Variants in CD44 observed in about 807,000 individuals in gnomAD.
CD44 encodes CD44 antigen.
In CD44, 49 loss-of-function variants were observed where a neutral mutation model predicts 88.8. That is an observed-to-expected ratio of 0.55 (90% CI 0.44 to 0.70). The LOEUF (loss-of-function observed/expected upper bound fraction) is 0.70, where lower values mean the gene tolerates loss of function less well. Ranked by LOEUF, CD44 falls within the 30% of genes least tolerant of loss-of-function variation. CD44 has a pLI of 0.00. For synonymous variants in CD44, 325 were observed against 312.3 expected, an observed-to-expected ratio of 1.04 and a Z score of -0.43; for missense variants, 883 against 913.8, an observed-to-expected ratio of 0.97 and a Z score of 0.43.
intron 5 of CD44, among the ~76,000 whole-genome samples, chr11:35,196,380 T>G (rs1177861895): frequency 6.6e-6 from 1 of 152,192 alleles, no homozygotes; most frequent in Non-Finnish European, 1.5e-5. Flanking sequence ...TAATCCCTCT[T>G]TTACATTATA....
intron 2 of CD44, among the ~76,000 whole-genome samples, chr11:35,178,749 T>C (rs561687122): frequency 6.6e-6 from 1 of 152,312 alleles, no homozygotes; most frequent in South Asian, 2.1e-4. Flanking sequence ...TTATCCATAC[T>C]TGATGACATG....
At chr11:35,186,776 G>C in intron 3 of CD44, 56 bp from the exon 4 acceptor site, 2 of 943,804 alleles carry the variant, frequency 2.1e-6, no homozygotes, top group South Asian at 2.6e-5. Flanking sequence ...TAAAAATGAG[G>C]GTAGATTTTC....
chr11:35,177,357 A>G (rs369724952), intron 2 of CD44, among the ~76,000 whole-genome samples: 1 of 152,260 alleles, frequency 6.6e-6, no homozygotes. Flanking sequence ...TCCAAGCAAG[A>G]TAATCACAAC....
chr11:35,207,868 AAAAC>A (rs1053542849), intron 11 of CD44, among the ~76,000 whole-genome samples: 6 of 152,212 alleles, frequency 3.9e-5, no homozygotes, highest in African/African-American at 1.2e-4. Context: ...AGACTCAGCA[AAAAC>A]AAACACACAG....
At chr11:35,186,759 T>C (rs953872233) in intron 3 of CD44, 73 bp from the exon 4 acceptor site, 2 of 850,080 alleles carry the variant, frequency 2.4e-6, no homozygotes, top group African/African-American at 3.3e-5. Context: ...CCATTCTAAC[T>C]GACTAATAAA....
chr11:35,208,276 AAGATGCAG>A, intron 12 of CD44, 70 bp downstream of exon 12: 1 of 1,042,046 alleles, frequency 9.6e-7, no homozygotes, highest in South Asian at 1.3e-5. Context: ...GCTATTGGCC[AAGATGCAG>A]AGCTTTGGTG....
In CD44 at chr11:35,211,415, A is replaced by G; in HGVS notation, c.1776A>G (p.Gly592=). The G allele has an allele frequency of 2.5e-6, 4 of 1,613,938 alleles. No individual in the cohort carries two copies. Among genetic ancestry groups the G allele is most frequent in the Non-Finnish European group, 3.4e-6 (4 of 1,179,886 alleles). ...TTGGAGTTACTGCAGTTACTGTTGG[A>G]GATTCCAACTCTAATGTCAATCGTT... is the stretch of plus-strand genomic sequence containing the variant. ...GSFGVTAVTV[G]DSNSNVNRSL... is the part of the protein sequence containing the mutation. Residue 592 remains glycine, a synonymous_variant, in exon 14 of 18, where the codon GGA becomes GGG. Coordinates refer to ENST00000428726, the MANE Select transcript of CD44 (RefSeq NM_000610.4).
At chr11:35,193,301 G>T (rs1393968817) in intron 5 of CD44, among the ~76,000 whole-genome samples, 2 of 152,170 alleles carry the variant, frequency 1.3e-5, no homozygotes, top group Admixed American at 6.5e-5. Context: ...ATGAATTTTT[G>T]TTGGGCCACA....
chr11:35,139,342 C>T lies in CD44; in HGVS notation c.39C>T (p.Cys13=). Residue 13 remains cysteine (C), a synonymous_variant, in exon 1 of 18, where the codon TGC becomes TGT. Transcript: ENST00000428726. ...GGTGGCACGCAGCCTGGGGACTCTG[C>T]CTCGTGCCGCTGAGCCTGGCGCAGA... ...KFWWHAAWGL[C]LVPLSLAQID... is the part of the protein sequence containing the mutation. The T allele has an allele frequency of 6.4e-7, 1 of 1,561,724 alleles. No homozygotes were observed. The highest frequency in any genetic ancestry group is 8.7e-7 in the Non-Finnish European group (1 of 1,152,600).
chr11:35,205,384 A>G (rs1487500288), intron 10 of CD44, among the ~76,000 whole-genome samples: 1 of 152,028 alleles, frequency 6.6e-6, no homozygotes, highest in East Asian at 1.9e-4. Context: ...TTTGCAACAT[A>G]GAAGATAATG....
At chr11:35,143,895 TAGG>T (rs1328017411) in intron 1 of CD44, among the ~76,000 whole-genome samples, 4 of 152,234 alleles carry the variant, frequency 2.6e-5, no homozygotes, top group Non-Finnish European at 4.4e-5. Flanking sequence ...CAGGACAAGT[TAGG>T]GCAATGCCCT....
chr11:35,210,823 C>A, intron 13 of CD44: 1 of 174,208 alleles, frequency 5.7e-6, no homozygotes, highest in Non-Finnish European at 1.2e-5. Context: ...CCTTTGAAAC[C>A]ATGCATTTGC....
rs942517370 is a variant in CD44, at chr11:35,201,757, G to A, written c.1123G>A (p.Glu375Lys). The change falls in exon 9 of 18, where the codon GAA becomes AAA. Residue 375 changes from glutamate (E) to lysine (K), a missense_variant. Transcript: ENST00000428726. Reference protein sequence around the residue: ...PPLIHHEHHEEEETPHSTSTI... With the variant: ...PPLIHHEHHEKEETPHSTSTI... ...CCTCATTCACCATGAGCATCATGAG[G>A]AAGAAGAGACCCCACATTCTACAAG... 8.7e-6 allele frequency: 14 copies of A among 1,613,722 alleles called. No individual in the cohort carries two copies. The highest frequency in any genetic ancestry group is 1.3e-5 in the African/African-American group (1 of 74,906).
At position 35,182,009 on chromosome 11, in the gene CD44, G is replaced by GTATATATAAATATATATTTATATATATT. The variant is rs1565081892; in HGVS notation, c.367+1609_367+1610insAAATATATATTTATATATATTTATATAT. On this transcript the variant is annotated intron_variant, in intron 3 of 17. Transcript: ENST00000428726. ...TATATAAATTTATATTTATATATAT[G>GTATATATAAATATATATTTATATATATT]TATATATGTATATATAAATATATAC... 6.5e-3 allele frequency among the ~76,000 whole-genome samples: 719 copies of GTATATATAAATATATATTTATATATATT among 110,260 alleles called. 7 individuals are homozygous for GTATATATAAATATATATTTATATATATT. Among genetic ancestry groups the GTATATATAAATATATATTTATATATATT allele is most frequent in the Non-Finnish European group, 0.01 (587 of 58,152 alleles). The allele number at this position is 110,260 out of a possible 152,430, so 72.3% of individuals were successfully genotyped here.
chr11:35,157,397 A>T (rs1942040218), intron 1 of CD44, among the ~76,000 whole-genome samples: 1 of 151,770 alleles, frequency 6.6e-6, no homozygotes. Flanking sequence ...TCCATCTATC[A>T]TCTATCTGTC....
chr11:35,153,569 C>T (rs186292721), intron 1 of CD44, among the ~76,000 whole-genome samples: 102 of 152,294 alleles, frequency 6.7e-4, no homozygotes, highest in African/African-American at 2.4e-3. Context: ...TAGTTGAACA[C>T]CAATATCTGT....
At chr11:35,211,065 A>G (rs1948345174) in intron 13 of CD44, among the ~76,000 whole-genome samples, 181 bp from the exon 14 acceptor site, 1 of 152,252 alleles carries the variant, frequency 6.6e-6, no homozygotes, top group Non-Finnish European at 1.5e-5. Context: ...AGTGATGTCC[A>G]AGTAGTGTCT....
chr11:35,206,571 G>T (rs959303107), intron 11 of CD44, among the ~76,000 whole-genome samples: 1 of 149,056 alleles, frequency 6.7e-6, no homozygotes, highest in African/African-American at 2.4e-5. Flanking sequence ...ACCCCTCCCT[G>T]CCCACCACAG....
intron 16 of CD44, 78 bp downstream of exon 16, chr11:35,219,465 C>A: frequency 1.0e-6 from 1 of 978,376 alleles, no homozygotes; most frequent in Non-Finnish European, 1.6e-6. Flanking sequence ...CGAAGAGACT[C>A]ATTTGAAAGC....
Sources: allele counts gnomAD v4.1 joint callset (sites outside exome capture counted in the v4.1 genomes callset), GRCh38; gene constraint gnomAD v4.1.1; transcripts MANE v1.5; gene names NCBI Gene and HGNC (gene_info 2026-07-23, HGNC 2026-07-21).